The following FAM135A variants were observed in gnomAD, a reference collection of about 807,000 sequenced individuals.
FAM135A encodes family with sequence similarity 135 member A, also known as protein FAM135A.
In FAM135A, 79 loss-of-function variants were observed where a neutral mutation model predicts 146.8. The ratio of observed to expected loss-of-function variants is 0.54; its 90% confidence interval spans 0.45 to 0.65. The LOEUF (loss-of-function observed/expected upper bound fraction) is 0.65. Among genes scored for constraint, FAM135A ranks in the 30% least tolerant of loss-of-function variants. The pLI is 0.00. For missense variants in FAM135A, 1,623 were observed against 1,758.2 expected (o/e 0.92, Z 1.38); for synonymous variants, 562 against 603.6 (o/e 0.93, Z 1.01).
chr6:70,515,472 A>T (rs1791981308), intron 12 of FAM135A, among the ~76,000 whole-genome samples: 1 of 152,232 alleles, frequency 6.6e-6, no homozygotes, highest in Admixed American at 6.5e-5. Flanking sequence ...AGGAAACTTG[A>T]AAGCATATTG....
At chr6:70,461,004 A>G (rs59635844) in intron 5 of FAM135A, among the ~76,000 whole-genome samples, 6,993 of 151,860 alleles carry the variant, frequency 0.046, 356 homozygotes, top group African/African-American at 0.11. Context: ...TTGTATTTTT[A>G]GTAAAGACGG....
chr6:70,531,952 G>A (rs1029479493), intron 16 of FAM135A, among the ~76,000 whole-genome samples: 1 of 132,896 alleles, frequency 7.5e-6, no homozygotes, highest in Non-Finnish European at 1.5e-5. Flanking sequence ...GCACGATCTC[G>A]GCTCACTGCA....
intron 4 of FAM135A, among the ~76,000 whole-genome samples, chr6:70,431,922 T>C (rs191749396): frequency 6.6e-6 from 1 of 152,084 alleles, no homozygotes; most frequent in African/African-American, 2.4e-5. Context: ...TATAAAATTA[T>C]AAAATATTTT....
At chr6:70,413,891 G>C (rs1766848939) in intron 1 of FAM135A, 189 bp downstream of exon 1, 3 of 985,376 alleles carry the variant, frequency 3.0e-6, no homozygotes, top group Admixed American at 6.1e-5. Flanking sequence ...CGGTGGGGAC[G>C]GCGGTGCGGA....
chr6:70,498,339 AT>A (rs766074289), intron 11 of FAM135A, among the ~76,000 whole-genome samples: 2 of 151,718 alleles, frequency 1.3e-5, no homozygotes, highest in Non-Finnish European at 2.9e-5. Context: ...ATCATTTTTT[AT>A]TGTGTCTATT....
chr6:70,518,151 T>A (rs1165812578), intron 12 of FAM135A, among the ~76,000 whole-genome samples: 5 of 152,178 alleles, frequency 3.3e-5, no homozygotes, highest in Admixed American at 1.3e-4. Flanking sequence ...AATGCTTTTC[T>A]AATGGAACGA....
At chr6:70,417,274 T>G (rs1767764903) in intron 2 of FAM135A, among the ~76,000 whole-genome samples, 1 of 151,178 alleles carries the variant, frequency 6.6e-6, no homozygotes, top group Admixed American at 6.6e-5. Flanking sequence ...TTTTTTTTTT[T>G]GACAGAGTCC....
At chr6:70,419,722 C>A (rs895653960) in intron 2 of FAM135A, among the ~76,000 whole-genome samples, 1 of 152,168 alleles carries the variant, frequency 6.6e-6, no homozygotes, top group East Asian at 1.9e-4. Flanking sequence ...TGTGAATCTG[C>A]TGTTCCTTCA....
At chr6:70,502,498 G>A (rs1456304930) in intron 11 of FAM135A, 138 bp from the exon 12 acceptor site, 1 of 745,874 alleles carries the variant, frequency 1.3e-6, no homozygotes, top group Non-Finnish European at 2.1e-6. Context: ...CTCTACACAT[G>A]TGCATGCACA....
chr6:70,550,522 A>G (rs1799632159), intron 20 of FAM135A, among the ~76,000 whole-genome samples: 1 of 152,190 alleles, frequency 6.6e-6, no homozygotes, highest in South Asian at 2.1e-4. Context: ...TTTTGAAAGG[A>G]ATCTTTTTTT....
rs1425720190 is a variant in FAM135A at position 70,561,133 on chromosome 6, G to A, written c.*1212G>A. ...TTTTAGCGTTGTTATTGCCTCTGGTGTTAATAAATGAACAAATGGCTATCT... is the reference window on the plus strand; with the variant it reads ...TTTTAGCGTTGTTATTGCCTCTGGTATTAATAAATGAACAAATGGCTATCT... On this transcript the variant is annotated 3_prime_UTR_variant, in exon 22 of 22. Transcript: ENST00000418814. The A allele has an allele frequency of 6.6e-6, 1 of 152,388 alleles. No homozygotes were observed. The highest frequency in any genetic ancestry group is 2.4e-5 in the African/African-American group (1 of 41,428). The allele number at this position is 152,388 out of a possible 1,614,324, so 9.4% of individuals were successfully genotyped here.
Position 70,526,362 on chromosome 6 carries a change from A to C in FAM135A, c.3278A>C (p.Gln1093Pro). ...GATGAGGAGGAAGAGCAGGATCAAC[A>C]AATGGTTCAAAATGGGTACTATGAA... ...KEDEEEEQDQ[Q>P]MVQNGYYEET... Residue 1093 changes from glutamine to proline, a missense_variant, in exon 15 of 22, where the codon CAA (glutamine) becomes CCA (proline). Physicochemically the swap from Gln to Pro is moderately conservative, Grantham distance 76. Around this residue, in one of 7 missense-constraint regions of FAM135A, gnomAD observed 1,061 missense variants for 1,113.8 expected, o/e 0.95. Transcript: ENST00000418814. 1 of 1,613,590 alleles carries C rather than the reference A, an allele frequency of 6.2e-7. No homozygotes were observed. The highest frequency in any genetic ancestry group is 8.5e-7 in the Non-Finnish European group (1 of 1,179,672).
intron 5 of FAM135A, among the ~76,000 whole-genome samples, chr6:70,457,622 T>G (rs900747495): frequency 4.6e-5 from 7 of 152,212 alleles, no homozygotes; most frequent in African/African-American, 1.2e-4. Flanking sequence ...AAAAATGAAT[T>G]TATTTTATGG....
chr6:70,514,694 G>A (rs1000511322), intron 12 of FAM135A, among the ~76,000 whole-genome samples: 1 of 142,466 alleles, frequency 7.0e-6, no homozygotes, highest in Non-Finnish European at 1.5e-5. Context: ...CCTGCAATAG[G>A]AAAACTTCTA....
chr6:70,454,998 T>G (rs1454970211), intron 5 of FAM135A, among the ~76,000 whole-genome samples: 1 of 152,184 alleles, frequency 6.6e-6, no homozygotes, highest in Admixed American at 6.5e-5. Flanking sequence ...GGGATGGCAT[T>G]GAATCTATAA....
At chr6:70,481,831 A>G (rs923892012) in intron 9 of FAM135A, among the ~76,000 whole-genome samples, 170 bp from the exon 10 acceptor site, 2 of 152,172 alleles carry the variant, frequency 1.3e-5, no homozygotes, top group East Asian at 1.9e-4. Context: ...GCCACATTTC[A>G]TGTTTAAATT....
At chr6:70,449,111 G>C (rs1159915228) in intron 4 of FAM135A, among the ~76,000 whole-genome samples, 1 of 152,184 alleles carries the variant, frequency 6.6e-6, no homozygotes, top group South Asian at 2.1e-4. Context: ...TTCTAACAGA[G>C]AAGTGGCTTT....
intron 20 of FAM135A, among the ~76,000 whole-genome samples, chr6:70,542,935 A>G (rs1798203322): frequency 6.6e-6 from 1 of 152,034 alleles, no homozygotes; most frequent in Non-Finnish European, 1.5e-5. Flanking sequence ...TTTCCATAGC[A>G]TTATATATCA....
At chr6:70,552,003 G>A (rs1426811475) in intron 20 of FAM135A, among the ~76,000 whole-genome samples, 1 of 152,074 alleles carries the variant, frequency 6.6e-6, no homozygotes, top group Non-Finnish European at 1.5e-5. Flanking sequence ...CTCAATGCAG[G>A]GTTACCACCT....
Sources: allele counts gnomAD v4.1 joint callset (sites outside exome capture counted in the v4.1 genomes callset), GRCh38; gene constraint gnomAD v4.1.1; regional missense constraint gnomAD v4.1.1; transcripts MANE v1.5; gene names NCBI Gene and HGNC (gene_info 2026-07-23, HGNC 2026-07-21).